Variants in TATDN3 observed in about 807,000 individuals in gnomAD.
TATDN3 encodes the protein TatD DNase domain containing 3, also known as deoxyribonuclease TATDN3.
Under a neutral mutation model 40.1 loss-of-function variants are expected in TATDN3, and 29 were observed. That is an observed-to-expected ratio of 0.72 (90% confidence interval 0.54 to 0.99). The LOEUF is 0.99. Ranked by LOEUF, TATDN3 falls within the 50% of genes least tolerant of loss-of-function variation. The pLI, the probability that TATDN3 is intolerant of heterozygous loss-of-function variation, is 0.00. For missense variants in TATDN3, 309 were observed against 321.9 expected (o/e 0.96, Z 0.31); for synonymous variants, 105 against 117.0 (o/e 0.90, Z 0.66).
At chr1:212,802,167 A>T (rs1391539684) in intron 4 of TATDN3, among the ~76,000 whole-genome samples, 1 of 152,240 alleles carries the variant, frequency 6.6e-6, no homozygotes, top group Non-Finnish European at 1.5e-5. Context: ...TTTAACAAGC[A>T]TATATGAGAT....
Position 212,793,958 on chromosome 1 carries a change from T to G in TATDN3, c.67-1137T>G, listed in dbSNP as rs1426657473. 2.6e-5 allele frequency among the ~76,000 whole-genome samples: 4 copies of G among 152,118 alleles called. 1 individual carries two copies. The East Asian group carries it at 7.7e-4, about 29-fold the overall frequency. On this transcript the variant is annotated intron_variant, in intron 1 of 9. Transcript: ENST00000366974. Reference sequence around the variant, plus strand: ...TGTCATAATTTTTAAACATGAGTCATGGGCTCAGGAGAGAATTACAAGCTA... The same window carrying G: ...TGTCATAATTTTTAAACATGAGTCAGGGGCTCAGGAGAGAATTACAAGCTA...
intron 9 of TATDN3, among the ~76,000 whole-genome samples, chr1:212,813,413 C>T (rs77736942): frequency 0.015 from 2,235 of 152,092 alleles, 56 homozygotes; most frequent in African/African-American, 0.052. Context: ...TCTATGCCTG[C>T]CAAATTCAGA....
At chr1:212,808,491 T>C (rs1453764263) in intron 8 of TATDN3, among the ~76,000 whole-genome samples, 1 of 152,046 alleles carries the variant, frequency 6.6e-6, no homozygotes, top group Non-Finnish European at 1.5e-5. Context: ...TTAAGACTTA[T>C]AATTCAAAGC....
rs751997577 is a variant in TATDN3, at chr1:212,815,134, T to C, written c.803T>C (p.Leu268Pro). ...TQNALKLFPK[L>P]RHLLQK ...AATGCATTAAAACTGTTTCCTAAGC[T>C]CCGACACTTGCTCCAGAAATAGCTT... The change falls in exon 10 of 10, where the codon CTC becomes CCC. Residue 268 changes from leucine (L) to proline (P), a missense_variant. Leu to Pro is a moderately conservative substitution (Grantham distance 98). Transcript: ENST00000366974. The C allele has an allele frequency of 6.2e-7, 1 of 1,612,174 alleles. No homozygotes were observed. The highest frequency in any genetic ancestry group is 8.5e-7 in the Non-Finnish European group (1 of 1,179,548).
chr1:212,805,653 T>C (rs904514620), intron 7 of TATDN3, among the ~76,000 whole-genome samples: 2 of 152,204 alleles, frequency 1.3e-5, no homozygotes, highest in Non-Finnish European at 1.5e-5. Flanking sequence ...CGTCACTGTT[T>C]TTTTATGTTT....
chr1:212,792,007 G>C lies in TATDN3; in HGVS notation c.66+20G>C. 6.2e-7 allele frequency: 1 copy of C among 1,613,200 alleles called. No homozygotes were observed. The highest frequency in any genetic ancestry group is 8.5e-7 in the Non-Finnish European group (1 of 1,179,362). On this transcript the variant is annotated intron_variant, in intron 1 of 9. Coordinates refer to ENST00000366974, the MANE Select transcript of TATDN3 (RefSeq NM_001042552.3). ...GACCGCGTATGTGAGGGCGATACGG[G>C]ACCAGAGGGAGCAGGGAGGCCCCCG...
chr1:212,798,349 G>A (rs760578277), intron 4 of TATDN3, among the ~76,000 whole-genome samples: 2 of 151,036 alleles, frequency 1.3e-5, no homozygotes, highest in African/African-American at 4.9e-5. Flanking sequence ...TAATAATAAT[G>A]TATCTCTCTT....
In TATDN3 at chr1:212,806,975, A is replaced by G. The variant is rs181070623; in HGVS notation, c.488-761A>G. On this transcript the variant is annotated intron_variant, in intron 7 of 9. Coordinates refer to ENST00000366974, the MANE Select transcript of TATDN3 (RefSeq NM_001042552.3). ...TTTATTTTTTTTGAGATGGAGTCTC[A>G]CTCTGTCGCCCAGGCTGGAGTACAG... Among the ~76,000 whole-genome samples, 565 of 142,872 alleles carry G rather than the reference A, an allele frequency of 4.0e-3. 25 individuals are homozygous for G. The highest frequency in any genetic ancestry group is 7.5e-3 in the South Asian group (33 of 4,390). The allele number at this position is 142,872 out of a possible 152,430, so 93.7% of individuals were successfully genotyped here.
intron 4 of TATDN3, among the ~76,000 whole-genome samples, chr1:212,801,357 C>A (rs1662169037): frequency 6.6e-6 from 1 of 151,310 alleles, no homozygotes; most frequent in East Asian, 1.9e-4. Context: ...ACCACACACA[C>A]AAATAAATTT....
chr1:212,812,350 A>G (rs376245089), intron 9 of TATDN3, 22 bp downstream of exon 9: 11 of 1,209,076 alleles, frequency 9.1e-6, no homozygotes, highest in South Asian at 4.0e-5. Context: ...TCTAATTTCT[A>G]TATTATTTAG....
chr1:212,805,822 G>T (rs1662428866), intron 7 of TATDN3, among the ~76,000 whole-genome samples: 1 of 152,118 alleles, frequency 6.6e-6, no homozygotes, highest in Non-Finnish European at 1.5e-5. Flanking sequence ...TCCGCAGTAA[G>T]AAATATAGTT....
chr1:212,811,846 G>GCA, intron 8 of TATDN3, among the ~76,000 whole-genome samples: 2 of 151,966 alleles, frequency 1.3e-5, no homozygotes, highest in Admixed American at 1.3e-4. Flanking sequence ...GGGATTACAG[G>GCA]TGCCTGCCAC....
At chr1:212,798,518 C>T (rs1022202553) in intron 4 of TATDN3, among the ~76,000 whole-genome samples, 12 of 124,624 alleles carry the variant, frequency 9.6e-5, no homozygotes, top group African/African-American at 3.1e-4. Context: ...GCAACATGGA[C>T]GCTATCTCTC....
intron 5 of TATDN3, among the ~76,000 whole-genome samples, chr1:212,803,080 G>T (rs1343190999): frequency 6.6e-6 from 1 of 151,270 alleles, no homozygotes; most frequent in East Asian, 1.9e-4. Context: ...TTCTTCATAA[G>T]TAATTTAGAA....
chr1:212,804,340 C>T lies in TATDN3; in HGVS notation c.342C>T (p.Pro114=), dbSNP rs1384764006. ...TCTAGGTTGGACTAGATTTCTCCCC[C>T]AGATTTGCTGGCACTGGTGAACAGA... is the stretch of plus-strand genomic sequence containing the variant. ...AIGEVGLDFS[P]RFAGTGEQKE... Residue 114 remains proline, a synonymous_variant, in exon 6 of 10, where the codon CCC becomes CCT. Coordinates refer to ENST00000366974, the MANE Select transcript of TATDN3 (RefSeq NM_001042552.3). 20 of 1,613,794 alleles carry T rather than the reference C, an allele frequency of 1.2e-5. No individual in the cohort carries two copies. Among genetic ancestry groups the T allele is most frequent in the Non-Finnish European group, 1.7e-5 (20 of 1,179,910 alleles).
intron 5 of TATDN3, 33 bp from the exon 6 acceptor site, chr1:212,804,287 A>T: frequency 6.5e-7 from 1 of 1,533,608 alleles, no homozygotes; most frequent in South Asian, 1.1e-5. Flanking sequence ...CCTTAAACCT[A>T]AATATGTAAT....
At chr1:212,806,585 C>T (rs1267495309) in intron 7 of TATDN3, among the ~76,000 whole-genome samples, 1 of 150,314 alleles carries the variant, frequency 6.7e-6, no homozygotes, top group Non-Finnish European at 1.5e-5. Flanking sequence ...CCATGTTGCC[C>T]AGGCTGGTCT....
chr1:212,795,634 A>C (rs1033982310), intron 2 of TATDN3, among the ~76,000 whole-genome samples: 4 of 152,112 alleles, frequency 2.6e-5, no homozygotes, highest in African/African-American at 9.7e-5. Flanking sequence ...GCTGGTGTCA[A>C]ACTTCTGAGC....
chr1:212,792,388 T>C (rs1433508190), intron 1 of TATDN3, among the ~76,000 whole-genome samples: 1 of 151,242 alleles, frequency 6.6e-6, no homozygotes. Flanking sequence ...TCCCAGCACT[T>C]TGGGAGGCCG....
Sources: gnomAD v4.1 joint callset for allele counts (sites outside exome capture counted in the v4.1 genomes callset) on GRCh38, gnomAD v4.1.1 for gene constraint, MANE v1.5 for transcripts, NCBI Gene and HGNC (gene_info 2026-07-23, HGNC 2026-07-21) for gene names.